The following HELZ variants were observed in gnomAD, a reference collection of about 807,000 sequenced individuals.
HELZ encodes helicase with zinc finger, also known as ATP-dependent RNA helicase with zinc finger domain.
Under a neutral mutation model 218.2 loss-of-function variants are expected in HELZ, and 23 were observed. The observed-to-expected ratio is 0.11, with a 90% CI of 0.08 to 0.15. The LOEUF (loss-of-function observed/expected upper bound fraction) is 0.15, where lower values mean the gene tolerates loss of function less well. HELZ is among the 10% of genes least tolerant of loss of function. HELZ has a pLI of 1.00. For missense variants in HELZ, 1,813 were observed against 2,353.7 expected (o/e 0.77, Z 4.75); for synonymous variants, 814 against 829.4 (o/e 0.98, Z 0.32).
chr17:67,122,972 G>T lies in HELZ; in HGVS notation c.3628C>A (p.Pro1210Thr). 1 of 1,602,596 alleles carries T rather than the reference G, an allele frequency of 6.2e-7. No individual in the cohort carries two copies. The highest frequency in any genetic ancestry group is 8.5e-7 in the Non-Finnish European group (1 of 1,170,686). ...AAGTATTTCGAATGTCCACTTACAG[G>T]TAAAGGCACCGACATAACTACATTC... ...GGNVVMSVPL[P>T]VPWTGYQGRF... Residue 1210 changes from proline to threonine, a missense_variant and splice_region_variant, in exon 26 of 33, where the codon CCT becomes ACT. By Grantham distance (38) the Pro-to-Thr change is conservative (BLOSUM62 -1). Transcript: ENST00000358691.
chr17:67,234,361 C>T (rs183123075), intron 3 of HELZ, among the ~76,000 whole-genome samples: 6 of 151,636 alleles, frequency 4.0e-5, no homozygotes, highest in Non-Finnish European at 8.8e-5. Flanking sequence ...TTGTTCCCAC[C>T]CTACCCCATC....
chr17:67,148,756 C>G, intron 19 of HELZ, 42 bp from the exon 20 acceptor site: 1 of 1,540,864 alleles, frequency 6.5e-7, no homozygotes, highest in Non-Finnish European at 8.7e-7. Context: ...ACTGAACATA[C>G]AAATAGTATT....
intron 2 of HELZ, among the ~76,000 whole-genome samples, chr17:67,242,785 CTTTCCTAAGTTTT>C (rs1196848879): frequency 1.5e-5 from 2 of 131,232 alleles, no homozygotes; most frequent in Non-Finnish European, 3.0e-5. Context: ...GTCCACCTTC[CTTTCCTAAGTTTT>C]TATTTTTTTA....
chr17:67,231,695 G>T (rs886700203), intron 3 of HELZ, among the ~76,000 whole-genome samples: 1 of 151,898 alleles, frequency 6.6e-6, no homozygotes, highest in African/African-American at 2.4e-5. Flanking sequence ...TGGGTAAAGA[G>T]TTTATGAGAA....
At chr17:67,083,058 T>G (rs1175161185) in intron 32 of HELZ, among the ~76,000 whole-genome samples, 2 of 151,996 alleles carry the variant, frequency 1.3e-5, no homozygotes, top group African/African-American at 2.4e-5. Context: ...GGTTTCACCA[T>G]GTTGGCCAAG....
In HELZ at chr17:67,074,331, C is replaced by T. The variant is rs147958301; in HGVS notation, c.*3921G>A. The stretch of plus-strand genomic sequence containing the variant: ...TCTTTCAATACATTTAAAGTTTTAA[C>T]CTTGTATTTTTATAGATTCTTTCTG... On this transcript the variant is annotated 3_prime_UTR_variant, in exon 33 of 33. Transcript: ENST00000358691. The T allele has an allele frequency of 2.8e-4, 43 of 151,590 alleles. No individual in the cohort carries two copies. Among genetic ancestry groups the T allele is most frequent in the African/African-American group, 9.4e-4 (39 of 41,334 alleles). The allele number at this position is 151,590 out of a possible 1,614,324, so 9.4% of individuals were successfully genotyped here. A position where few individuals can be genotyped will look rare whatever the true frequency, so the allele number is the denominator to read the frequency against.
intron 27 of HELZ, among the ~76,000 whole-genome samples, chr17:67,118,270 C>A (rs1440340029): frequency 6.6e-6 from 1 of 152,168 alleles, no homozygotes; most frequent in Non-Finnish European, 1.5e-5. Flanking sequence ...ACAGAGTTTT[C>A]AACAAATAGT....
chr17:67,209,984 G>A (rs1241250339), intron 5 of HELZ, among the ~76,000 whole-genome samples: 1 of 152,158 alleles, frequency 6.6e-6, no homozygotes, highest in African/African-American at 2.4e-5. Flanking sequence ...GGGAGGATGA[G>A]GCAAGAGGAT....
intron 28 of HELZ, among the ~76,000 whole-genome samples, chr17:67,110,222 C>A (rs1459989315): frequency 6.6e-6 from 1 of 152,028 alleles, no homozygotes; most frequent in Admixed American, 6.5e-5. Flanking sequence ...CATGCACCAC[C>A]ACGCCCAACT....
intron 12 of HELZ, among the ~76,000 whole-genome samples, chr17:67,179,328 A>G (rs1432070457): frequency 6.6e-6 from 1 of 152,174 alleles, no homozygotes; most frequent in Non-Finnish European, 1.5e-5. Flanking sequence ...TACCCATCCC[A>G]TTATAGAAAG....
At chr17:67,117,448 T>A (rs1056909410) in intron 27 of HELZ, among the ~76,000 whole-genome samples, 15 of 152,314 alleles carry the variant, frequency 9.8e-5, no homozygotes, top group African/African-American at 3.4e-4. Flanking sequence ...CATACTGGTC[T>A]TTTTGGAATG....
At chr17:67,163,402 A>ACCTT (rs2039044898) in intron 15 of HELZ, among the ~76,000 whole-genome samples, 1 of 804 alleles carries the variant, frequency 1.2e-3, no homozygotes, top group African/African-American at 3.0e-3. Flanking sequence ...CCAACTTAGT[A>ACCTT]TCTTTTTCTT....
intron 21 of HELZ, among the ~76,000 whole-genome samples, chr17:67,145,134 T>C (rs1331071815): frequency 6.6e-6 from 1 of 152,148 alleles, no homozygotes; most frequent in Non-Finnish European, 1.5e-5. Context: ...CTTCCTGAAG[T>C]CCAGAACTCA....
intron 31 of HELZ, among the ~76,000 whole-genome samples, chr17:67,092,703 C>T (rs1598198519): frequency 6.6e-6 from 1 of 152,330 alleles, no homozygotes; most frequent in East Asian, 1.9e-4. Flanking sequence ...CAGTGGTTCA[C>T]GCCTGTAATC....
upstream of HELZ, chr17:67,245,233 T>TC (rs1183449333): frequency 5.1e-6 from 5 of 983,650 alleles, no homozygotes; most frequent in Non-Finnish European, 6.0e-6. Context: ...TTAAAGTGAC[T>TC]CCCCCCGGCC....
chr17:67,223,602 A>C (rs969597776), intron 3 of HELZ, among the ~76,000 whole-genome samples: 14 of 151,746 alleles, frequency 9.2e-5, no homozygotes, highest in African/African-American at 3.4e-4. Flanking sequence ...AATACAAAAA[A>C]TTAGCCGGAT....
intron 31 of HELZ, among the ~76,000 whole-genome samples, chr17:67,093,147 A>C (rs1335357683): frequency 1.3e-5 from 2 of 152,202 alleles, no homozygotes; most frequent in African/African-American, 4.8e-5. Flanking sequence ...AACAACAACA[A>C]ACCCTCTAAC....
chr17:67,072,416 G>A lies in HELZ; in HGVS notation c.*5836C>T, dbSNP rs1013919957. On this transcript the variant is annotated 3_prime_UTR_variant, in exon 33 of 33. Coordinates refer to ENST00000358691, the MANE Select transcript of HELZ (RefSeq NM_014877.4). ...GATGCTCCATGTCACTGCCATCTTA[G>A]GACAGGGACTCCTGCACTTAGTGCC... The A allele has an allele frequency of 6.6e-6, 1 of 152,614 alleles. No homozygotes were observed. Among genetic ancestry groups the A allele is most frequent in the Non-Finnish European group, 1.5e-5 (1 of 68,044 alleles). 9.5% of individuals were successfully genotyped at this position (152,614 alleles called of 1,614,324 possible).
intron 31 of HELZ, among the ~76,000 whole-genome samples, chr17:67,099,397 TG>T (rs2036852311): frequency 1.4e-4 from 1 of 7,138 alleles, no homozygotes; most frequent in Non-Finnish European, 2.2e-4. Context: ...AAAGAGATTC[TG>T]TGAAGTTCAG....
Sources: gnomAD v4.1 joint callset for allele counts (sites outside exome capture counted in the v4.1 genomes callset) on GRCh38, gnomAD v4.1.1 for gene constraint, MANE v1.5 for transcripts, NCBI Gene and HGNC (gene_info 2026-07-23, HGNC 2026-07-21) for gene names.